GRIN2A: variants seen among roughly 807,000 people sequenced by gnomAD.
GRIN2A encodes glutamate receptor ionotropic, NMDA 2A.
A neutral mutation model predicts 113.4 loss-of-function variants in GRIN2A; 22 were observed. The observed-to-expected ratio is 0.19, with a 90% CI of 0.14 to 0.28. The LOEUF (loss-of-function observed/expected upper bound fraction) is 0.28. Ranked by LOEUF, GRIN2A falls within the 10% of genes least tolerant of loss-of-function variation. GRIN2A has a pLI of 1.00. For missense variants in GRIN2A, 1,502 were observed against 1,887.0 expected, an observed-to-expected ratio of 0.80 and a Z score of 3.78; for synonymous variants, 827 against 738.4, an observed-to-expected ratio of 1.12 and a Z score of -1.94.
intron 3 of GRIN2A, among the ~76,000 whole-genome samples, chr16:9,922,726 C>G (rs1020220436): frequency 6.6e-6 from 1 of 152,058 alleles, no homozygotes; most frequent in Admixed American, 6.6e-5. Context: ...AGTAAAGAGT[C>G]GTTTTTATTT....
At chr16:9,856,159 A>T (rs2042963618) in intron 4 of GRIN2A, among the ~76,000 whole-genome samples, 1 of 152,208 alleles carries the variant, frequency 6.6e-6, no homozygotes, top group Admixed American at 6.5e-5. Context: ...TCATTGCATG[A>T]TGAGGAAACC....
intron 10 of GRIN2A, among the ~76,000 whole-genome samples, chr16:9,820,614 C>T (rs1312876043): frequency 3.3e-5 from 5 of 152,196 alleles, no homozygotes; most frequent in African/African-American, 1.2e-4. Flanking sequence ...AACAATCTTG[C>T]AAACACAATG....
chr16:10,005,499 C>T (rs552111765), intron 2 of GRIN2A, among the ~76,000 whole-genome samples: 1 of 152,272 alleles, frequency 6.6e-6, no homozygotes, highest in East Asian at 1.9e-4. Context: ...AAGTGTGTAC[C>T]ATGAGTGAGT....
chr16:10,101,731 A>T (rs893788251), intron 2 of GRIN2A, among the ~76,000 whole-genome samples: 2 of 152,206 alleles, frequency 1.3e-5, no homozygotes, highest in East Asian at 3.8e-4. Flanking sequence ...AAATTGCTAT[A>T]TATCTCAGGC....
chr16:9,941,776 T>C (rs1441183037), intron 2 of GRIN2A, among the ~76,000 whole-genome samples: 1 of 152,198 alleles, frequency 6.6e-6, no homozygotes, highest in East Asian at 1.9e-4. Flanking sequence ...AAATACTTAC[T>C]CTATGAGAGT....
intron 2 of GRIN2A, chr16:10,111,789 G>A: frequency 6.9e-7 from 1 of 1,442,982 alleles, no homozygotes; most frequent in Non-Finnish European, 9.7e-7. Context: ...CCAAGATCCG[G>A]CATGGCTTCT....
At chr16:10,096,347 T>C (rs1164880859) in intron 2 of GRIN2A, among the ~76,000 whole-genome samples, 2 of 152,122 alleles carry the variant, frequency 1.3e-5, no homozygotes, top group Admixed American at 6.5e-5. Context: ...CGGAGACTTG[T>C]AACAAATGCA....
intron 2 of GRIN2A, among the ~76,000 whole-genome samples, chr16:10,000,751 C>G (rs2046306199): frequency 6.6e-6 from 1 of 152,172 alleles, no homozygotes; most frequent in Non-Finnish European, 1.5e-5. Context: ...CCTCTTTCTC[C>G]TTTTTCTTCT....
chr16:10,134,864 G>T (rs1436422282), intron 2 of GRIN2A, among the ~76,000 whole-genome samples: 1 of 152,102 alleles, frequency 6.6e-6, no homozygotes, highest in Admixed American at 6.5e-5. Context: ...GGGTACATGA[G>T]TCTCATACCT....
chr16:9,867,027 A>C (rs2043172091), intron 4 of GRIN2A, among the ~76,000 whole-genome samples: 1 of 152,084 alleles, frequency 6.6e-6, no homozygotes, highest in African/African-American at 2.4e-5. Flanking sequence ...CTATTTGTTC[A>C]TGCCTTCATT....
chr16:9,946,571 T>C (rs975332450), intron 2 of GRIN2A, among the ~76,000 whole-genome samples: 1 of 152,206 alleles, frequency 6.6e-6, no homozygotes, highest in Non-Finnish European at 1.5e-5. Context: ...CATCTGTTCT[T>C]CCTTTACTGG....
At chr16:9,854,046 A>G (rs1011413203) in intron 4 of GRIN2A, among the ~76,000 whole-genome samples, 4 of 152,150 alleles carry the variant, frequency 2.6e-5, no homozygotes, top group Non-Finnish European at 5.9e-5. Flanking sequence ...TTATATGCGT[A>G]ATGATTGGTT....
intron 2 of GRIN2A, among the ~76,000 whole-genome samples, chr16:10,052,481 G>C (rs2047375424): frequency 6.6e-6 from 1 of 152,184 alleles, no homozygotes. Context: ...CCAAGACCTA[G>C]GCCCTGTCCT....
At chr16:9,819,027 C>G (rs1200713309) in intron 10 of GRIN2A, among the ~76,000 whole-genome samples, 1 of 152,022 alleles carries the variant, frequency 6.6e-6, no homozygotes, top group Admixed American at 6.6e-5. Flanking sequence ...GATTATGACT[C>G]TATAAAAAAT....
In GRIN2A at chr16:9,803,215, A is replaced by G. The variant is rs142548866; in HGVS notation, c.2169-4751T>C. The stretch of plus-strand genomic sequence containing the variant: ...AGGTCGGGAGTTTGAGACCAGCTTG[A>G]CCAACATGGAGAAACCCCGTCTCTA... On this transcript the variant is annotated intron_variant, in intron 10 of 12. Coordinates refer to ENST00000330684, the MANE Select transcript of GRIN2A (RefSeq NM_001134407.3). 7.8e-3 allele frequency among the ~76,000 whole-genome samples: 1,190 copies of G among 152,132 alleles called. 21 individuals carry two copies. Among genetic ancestry groups the G allele is most frequent in the African/African-American group, 0.027 (1,120 of 41,492 alleles).
chr16:9,933,205 C>T (rs1226100271), intron 3 of GRIN2A, among the ~76,000 whole-genome samples: 1 of 152,146 alleles, frequency 6.6e-6, no homozygotes, highest in Non-Finnish European at 1.5e-5. Flanking sequence ...AAGAAAATGT[C>T]CCCCTTTCCT....
At chr16:9,975,099 A>G (rs1387494383) in intron 2 of GRIN2A, among the ~76,000 whole-genome samples, 1 of 152,206 alleles carries the variant, frequency 6.6e-6, no homozygotes, top group East Asian at 1.9e-4. Context: ...AATTTTCTGC[A>G]TCTATTAAGA....
chr16:9,911,791 C>G (rs977319474), intron 3 of GRIN2A, among the ~76,000 whole-genome samples: 1 of 152,058 alleles, frequency 6.6e-6, no homozygotes, highest in African/African-American at 2.4e-5. Flanking sequence ...CAGAAAAAAA[C>G]CTGAGTATAA....
At chr16:10,143,364 A>G (rs1337162291) in intron 2 of GRIN2A, among the ~76,000 whole-genome samples, 1 of 152,182 alleles carries the variant, frequency 6.6e-6, no homozygotes, top group African/African-American at 2.4e-5. Flanking sequence ...AATTTTCAAA[A>G]ATTCAGGAGC....
Sources: gnomAD v4.1 joint callset for allele counts (sites outside exome capture counted in the v4.1 genomes callset) on GRCh38, gnomAD v4.1.1 for gene constraint, MANE v1.5 for transcripts, NCBI Gene and HGNC (gene_info 2026-07-23, HGNC 2026-07-21) for gene names.